CDK13: variants seen among roughly 807,000 people sequenced by gnomAD.
CDK13 encodes cyclin-dependent kinase 13.
A neutral mutation model predicts 137.6 loss-of-function variants in CDK13; 40 were observed. The ratio of observed to expected loss-of-function variants is 0.29; its 90% CI spans 0.23 to 0.38. The LOEUF is 0.38. Among genes scored for constraint, CDK13 ranks in the 10% least tolerant of loss-of-function variants. The pLI is 1.00. For missense variants in CDK13, 1,704 were observed against 1,951.8 expected (o/e 0.87, Z 2.39); for synonymous variants, 869 against 760.1 (o/e 1.14, Z -2.36).
chr7:40,022,984 C>T (rs1785159610), intron 5 of CDK13, among the ~76,000 whole-genome samples: 1 of 151,544 alleles, frequency 6.6e-6, no homozygotes, highest in South Asian at 2.1e-4. Context: ...TTGTTGCAGC[C>T]CTTAGTTTTA....
chr7:39,964,055 C>G (rs1029776575), intron 1 of CDK13, among the ~76,000 whole-genome samples: 1 of 152,192 alleles, frequency 6.6e-6, no homozygotes, highest in Non-Finnish European at 1.5e-5. Flanking sequence ...TATCGATGTT[C>G]ATCAGGGATA....
chr7:40,061,554 A>G (rs1315767028), intron 7 of CDK13: 1 of 152,258 alleles, frequency 6.6e-6, no homozygotes, highest in Non-Finnish European at 1.5e-5. Flanking sequence ...AGACTGGTCC[A>G]GGACCAAGCC....
intron 5 of CDK13, among the ~76,000 whole-genome samples, chr7:40,017,234 G>A (rs1785023198): frequency 6.6e-6 from 1 of 152,066 alleles, no homozygotes; most frequent in Non-Finnish European, 1.5e-5. Flanking sequence ...TTGGTTTTTA[G>A]CGTCTTCCAA....
At chr7:40,050,494 C>A (rs1014599343) in intron 7 of CDK13, among the ~76,000 whole-genome samples, 1 of 152,182 alleles carries the variant, frequency 6.6e-6, no homozygotes, top group Non-Finnish European at 1.5e-5. Flanking sequence ...CGGGTTCTAG[C>A]GATTCTCCAG....
chr7:39,980,396 A>G (rs762225427), intron 1 of CDK13, among the ~76,000 whole-genome samples: 19 of 152,258 alleles, frequency 1.2e-4, no homozygotes, highest in Non-Finnish European at 2.2e-4. Context: ...AAGGAGATGA[A>G]TTTAAGAGGC....
chr7:40,011,074 A>G (rs1336054733), intron 5 of CDK13, among the ~76,000 whole-genome samples: 1 of 151,740 alleles, frequency 6.6e-6, no homozygotes, highest in Non-Finnish European at 1.5e-5. Flanking sequence ...TACTTCTCAA[A>G]GTGATCTACA....
intron 5 of CDK13, among the ~76,000 whole-genome samples, chr7:40,006,287 G>A (rs1040011153): frequency 6.6e-6 from 1 of 152,066 alleles, no homozygotes; most frequent in African/African-American, 2.4e-5. Flanking sequence ...ATTAGTTTCA[G>A]TATTTATGTT....
intron 5 of CDK13, among the ~76,000 whole-genome samples, chr7:40,003,823 T>G (rs1784744030): frequency 6.6e-6 from 1 of 152,186 alleles, no homozygotes; most frequent in Non-Finnish European, 1.5e-5. Context: ...CATTCACACA[T>G]GCACGCATGC....
chr7:39,996,072 C>T (rs749341434), intron 2 of CDK13, among the ~76,000 whole-genome samples: 2 of 152,104 alleles, frequency 1.3e-5, no homozygotes, highest in Non-Finnish European at 2.9e-5. Flanking sequence ...GTTAAAGAAC[C>T]TTCCAGTGAG....
At chr7:40,069,197 T>G (rs1260245410) in intron 9 of CDK13, 10 of 391,608 alleles carry the variant, frequency 2.6e-5, no homozygotes, top group Non-Finnish European at 5.0e-5. Context: ...ATTGCACCAC[T>G]GCCCTTTAGT....
intron 5 of CDK13, among the ~76,000 whole-genome samples, chr7:40,008,320 AT>A (rs1175003291): frequency 6.6e-6 from 1 of 152,312 alleles, no homozygotes; most frequent in Admixed American, 6.5e-5. Context: ...TACTGGCTAC[AT>A]TTTGGACAAT....
chr7:39,965,437 G>A (rs1179168631), intron 1 of CDK13, among the ~76,000 whole-genome samples: 2 of 151,942 alleles, frequency 1.3e-5, no homozygotes, highest in African/African-American at 4.8e-5. Flanking sequence ...CTAGGATTGC[G>A]ACCACTGCCT....
intron 9 of CDK13, among the ~76,000 whole-genome samples, chr7:40,069,116 C>G (rs1175180961): frequency 6.6e-6 from 1 of 152,152 alleles, no homozygotes; most frequent in Non-Finnish European, 1.5e-5. Flanking sequence ...CACCTATAGC[C>G]TGAGCTATTG....
chr7:40,006,706 C>T (rs1011243557), intron 5 of CDK13, among the ~76,000 whole-genome samples: 1 of 152,062 alleles, frequency 6.6e-6, no homozygotes, highest in Admixed American at 6.5e-5. Flanking sequence ...CGCTTGAACC[C>T]GGGAGGCAGA....
intron 9 of CDK13, chr7:40,066,975 A>G (rs979659323): frequency 2.6e-5 from 4 of 151,854 alleles, no homozygotes; most frequent in African/African-American, 9.7e-5. Flanking sequence ...AAACCCAACC[A>G]GCCAACTCTT....
intron 5 of CDK13, among the ~76,000 whole-genome samples, chr7:40,002,954 C>G (rs1166753279): frequency 6.6e-6 from 1 of 151,354 alleles, no homozygotes; most frequent in African/African-American, 2.4e-5. Context: ...TGGTACATGC[C>G]TTTGGTTCCA....
chr7:39,979,977 A>G (rs1189283034), intron 1 of CDK13, among the ~76,000 whole-genome samples: 1 of 152,196 alleles, frequency 6.6e-6, no homozygotes, highest in Non-Finnish European at 1.5e-5. Context: ...GAGACTCCAG[A>G]AGGAACAAAG....
At chr7:39,952,098 G>A in intron 1 of CDK13, 1 of 386,532 alleles carries the variant, frequency 2.6e-6, no homozygotes, top group Non-Finnish European at 4.5e-6. Flanking sequence ...GATTTCTAAG[G>A]AAGAATTAAA....
intron 5 of CDK13, among the ~76,000 whole-genome samples, chr7:40,020,041 G>T (rs1237538839): frequency 6.6e-6 from 1 of 152,068 alleles, no homozygotes; most frequent in African/African-American, 2.4e-5. Flanking sequence ...ATATGTTCTA[G>T]ATTTAATATA....
Sources: gnomAD v4.1 joint callset for allele counts (sites outside exome capture counted in the v4.1 genomes callset) on GRCh38, gnomAD v4.1.1 for gene constraint, MANE v1.5 for transcripts, NCBI Gene and HGNC (gene_info 2026-07-23, HGNC 2026-07-21) for gene names.